The following FAM217A variants were observed in gnomAD, a reference collection of about 807,000 sequenced individuals.
FAM217A encodes protein FAM217A.
In FAM217A, 13 loss-of-function variants were observed where a neutral mutation model predicts 18.5. The observed-to-expected ratio is 0.70, with a 90% CI of 0.46 to 1.12. FAM217A has a LOEUF of 1.12. Ranked by LOEUF, FAM217A falls within the 50% of genes most tolerant of loss-of-function variation. FAM217A has a pLI of 0.00. For synonymous variants in FAM217A, 161 were observed against 202.8 expected (o/e 0.79, Z 1.75); for missense variants, 560 against 575.4 (o/e 0.97, Z 0.27).
At position 4,085,935 on chromosome 6, in the gene FAM217A, C is replaced by A. The variant is rs539987647; in HGVS notation, c.18+1075G>T. On this transcript the variant is annotated intron_variant, in intron 1 of 8. Transcript: ENST00000639338. ...GACCAGCCAGGGTAACATAGCGAGA[C>A]CCTGTCTCTACAAAAGAAAAATAAC... 2.6e-5 allele frequency among the ~76,000 whole-genome samples: 4 copies of A among 151,854 alleles called. No homozygotes were observed. The East Asian group carries it at 5.8e-4, about 22-fold the overall frequency.
Position 4,078,963 on chromosome 6 carries a change from G to GC in FAM217A, c.-147dup. The GC allele has an allele frequency of 1.9e-6, 1 of 529,378 alleles. No homozygotes were observed. The highest frequency in any genetic ancestry group is 3.3e-6 in the Non-Finnish European group (1 of 300,392). The allele number at this position is 529,378 out of a possible 1,614,324, so 32.8% of individuals were successfully genotyped here. ...CTTGGAGGGCGCCCCCTCTGCCGCG[G>GC]CCTTCCTGCAGCGGGGGGACAAAGA... On this transcript the variant is annotated 5_prime_UTR_variant, in exon 1 of 7. Transcript: ENST00000274673.
chr6:4,084,148 C>T (rs1262955072), intron 2 of FAM217A, among the ~76,000 whole-genome samples: 1 of 151,926 alleles, frequency 6.6e-6, no homozygotes, highest in Non-Finnish European at 1.5e-5. Flanking sequence ...TGTATAATTC[C>T]TTTTTAAGAA....
At chr6:4,073,086 T>A (rs940363258) in intron 6 of FAM217A, among the ~76,000 whole-genome samples, 189 bp downstream of exon 6, 2 of 152,220 alleles carry the variant, frequency 1.3e-5, no homozygotes, top group Non-Finnish European at 2.9e-5. Flanking sequence ...GACTCCTACC[T>A]ATTCTAATTG....
intron 1 of FAM217A, among the ~76,000 whole-genome samples, chr6:4,085,581 A>G (rs960905486): frequency 2.0e-5 from 3 of 152,100 alleles, no homozygotes; most frequent in Non-Finnish European, 4.4e-5. Context: ...ATTTATATAA[A>G]TGAAGGTTTA....
In FAM217A at chr6:4,068,412, TG is replaced by T; in HGVS notation, c.*283del. 3.6e-6 allele frequency: 1 copy of T among 276,432 alleles called. No individual in the cohort carries two copies. The highest frequency in any genetic ancestry group is 2.2e-5 in the African/African-American group (1 of 45,656). The allele number at this position is 276,432 out of a possible 1,614,324, so 17.1% of individuals were successfully genotyped here. Reference sequence around the variant, plus strand: ...TGGAATTATACTGGAAAACAATCACTGAAAAAAGAGTAGCCTTTTGAATAGA... The same window carrying T: ...TGGAATTATACTGGAAAACAATCACTAAAAAAGAGTAGCCTTTTGAATAGA... On this transcript the variant is annotated 3_prime_UTR_variant, in exon 7 of 7. Coordinates refer to ENST00000274673, the MANE Select transcript of FAM217A (RefSeq NM_173563.3).
rs1769262816 is a variant in FAM217A at position 4,069,594 on chromosome 6, T to G, written c.629A>C (p.Lys210Thr). 1 of 1,614,034 alleles carries G rather than the reference T, an allele frequency of 6.2e-7. No homozygotes were observed. The highest frequency in any genetic ancestry group is 1.3e-5 in the African/African-American group (1 of 74,934). ...ATAGCTGAGTAAAGTATCATTTGTC[T>G]TCTCATTTTCTGATAAATCACTTTC... ...TDESDLSENE[K>T]TNDTLLSYFK... The change falls in exon 7 of 7, where the codon AAG (lysine) becomes ACG (threonine). Residue 210 changes from lysine (K) to threonine (T), a missense_variant. By Grantham distance (78) the Lys-to-Thr change is moderately conservative. Transcript: ENST00000274673.
upstream of FAM217A, chr6:4,079,673 A>G: frequency 1.6e-6 from 2 of 1,283,286 alleles, no homozygotes; most frequent in Non-Finnish European, 2.0e-6. Context: ...AGCCAGGAGC[A>G]CCGCCCGGTA....
Position 4,069,262 on chromosome 6 carries a change from G to T in FAM217A, c.961C>A (p.Pro321Thr), listed in dbSNP as rs760023999. 4.3e-6 allele frequency: 7 copies of T among 1,614,212 alleles called. No homozygotes were observed. Among genetic ancestry groups the T allele is most frequent in the Non-Finnish European group, 5.1e-6 (6 of 1,180,044 alleles). Residue 321 changes from proline (P) to threonine (T), a missense_variant, in exon 7 of 7, where the codon CCC (proline) becomes ACC (threonine). Transcript: ENST00000274673. ...TFCTPAVTER[P>T]SSSKATPKVR... ...TTTGGTGTAGCTTTGGAGGAAGAGGGTCGTTCAGTAACTGCTGGAGTACAG... is the reference window on the plus strand; with the variant it reads ...TTTGGTGTAGCTTTGGAGGAAGAGGTTCGTTCAGTAACTGCTGGAGTACAG...
intron 1 of FAM217A, among the ~76,000 whole-genome samples, chr6:4,086,072 G>C (rs896753438): frequency 6.6e-6 from 1 of 151,764 alleles, no homozygotes; most frequent in Non-Finnish European, 1.5e-5. Flanking sequence ...CTGCACTGCA[G>C]CCTGGGCCAC....
chr6:4,073,486 C>A lies in FAM217A; in HGVS notation c.181G>T (p.Glu61Ter). The change falls in exon 5 of 7, where the codon GAG becomes TAG. Residue 61 changes from glutamate to a stop codon, truncating the protein, a stop_gained. Coordinates refer to ENST00000274673, the MANE Select transcript of FAM217A (RefSeq NM_173563.3). LOFTEE classifies it high-confidence loss of function. ...INKNYLEIPV[E>*]QLMLEPNLSV... is the part of the protein sequence containing the mutation. ...AAATTAGGTTCTAGCATCAGTTGCT[C>A]CACTGGAATTTCCAAATAGTTCTAT... The A allele has an allele frequency of 6.2e-7, 1 of 1,613,358 alleles. No individual in the cohort carries two copies. Among genetic ancestry groups the A allele is most frequent in the South Asian group, 1.1e-5 (1 of 90,960 alleles).
intron 1 of FAM217A, among the ~76,000 whole-genome samples, chr6:4,085,298 C>T (rs1581909649): frequency 8.2e-6 from 1 of 121,934 alleles, no homozygotes. Context: ...AAGTGTTATT[C>T]ATTGTAAAAA....
chr6:4,076,088 G>A (rs1255782169), intron 2 of FAM217A, among the ~76,000 whole-genome samples: 1 of 150,488 alleles, frequency 6.6e-6, no homozygotes, highest in Non-Finnish European at 1.5e-5. Context: ...CAGCATTTTG[G>A]GAGGCCGAGG....
intron 4 of FAM217A, 121 bp from the exon 5 acceptor site, chr6:4,073,628 A>C: frequency 1.4e-6 from 1 of 697,686 alleles, no homozygotes; most frequent in Non-Finnish European, 2.3e-6. Context: ...CACTTTGTTT[A>C]TATACAAAGA....
intron 1 of FAM217A, 116 bp downstream of exon 1, chr6:4,078,736 C>A: frequency 2.5e-6 from 1 of 401,546 alleles, no homozygotes; most frequent in African/African-American, 2.1e-5. Context: ...GCAAGGCCCC[C>A]GTGAAGAGGA....
chr6:4,083,330 A>G (rs192596508), upstream of FAM217A, among the ~76,000 whole-genome samples: 14 of 152,260 alleles, frequency 9.2e-5, no homozygotes, highest in Admixed American at 5.2e-4. Flanking sequence ...ATTCCTTTTC[A>G]TTGTCCTGAA....
intron 4 of FAM217A, among the ~76,000 whole-genome samples, chr6:4,073,950 G>A (rs1024367405): frequency 5.3e-5 from 8 of 152,104 alleles, no homozygotes; most frequent in Middle Eastern, 3.2e-3. Flanking sequence ...GGGCTCAAGC[G>A]ATTCTCCTGC....
rs1386246387 is a variant in FAM217A, at chr6:4,068,462, A to G, written c.*234T>C. ...GAATAGTCTACCAAGTGAACCATTT[A>G]CTTGAAACACAACATGCAAAAGATT... On this transcript the variant is annotated 3_prime_UTR_variant, in exon 7 of 7. Coordinates refer to ENST00000274673, the MANE Select transcript of FAM217A (RefSeq NM_173563.3). The G allele has an allele frequency of 4.9e-6, 2 of 407,316 alleles. No individual in the cohort carries two copies. Among genetic ancestry groups the G allele is most frequent in the Non-Finnish European group, 4.3e-6 (1 of 231,540 alleles). The allele number at this position is 407,316 out of a possible 1,614,324, so 25.2% of individuals were successfully genotyped here. A position where few individuals can be genotyped will look rare whatever the true frequency, so the allele number is the denominator to read the frequency against.
intron 1 of FAM217A, among the ~76,000 whole-genome samples, chr6:4,078,049 CTTTTTTT>C (rs10600748): frequency 1.8e-5 from 2 of 114,010 alleles, no homozygotes; most frequent in East Asian, 2.5e-4. Flanking sequence ...GAAAGAATCA[CTTTTTTT>C]TTTTTTTTTT....
intron 2 of FAM217A, 90 bp from the exon 3 acceptor site, chr6:4,074,751 G>A (rs144345126): frequency 6.9e-4 from 646 of 942,432 alleles, no homozygotes; most frequent in Non-Finnish European, 9.1e-4. Context: ...AAAGTATGAC[G>A]AAAGGCACAA....
Sources: gnomAD v4.1 joint callset for allele counts (sites outside exome capture counted in the v4.1 genomes callset) on GRCh38, gnomAD v4.1.1 for gene constraint, MANE v1.5 for transcripts, NCBI Gene and HGNC (gene_info 2026-07-23, HGNC 2026-07-21) for gene names.